SNTG2: variants seen among roughly 807,000 people sequenced by gnomAD.
SNTG2 encodes the protein gamma-2-syntrophin.
Under a neutral mutation model 70.9 loss-of-function variants are expected in SNTG2, and 74 were observed. The ratio of observed to expected loss-of-function variants is 1.04; its 90% CI spans 0.86 to 1.27. SNTG2 has a LOEUF of 1.27. Among genes scored for constraint, SNTG2 ranks in the 50% most tolerant of loss-of-function variants. The pLI, the probability that SNTG2 is intolerant of heterozygous loss-of-function variation, is 0.00. For synonymous variants in SNTG2, 278 were observed against 273.8 expected (o/e 1.02, Z -0.15); for missense variants, 717 against 690.7 (o/e 1.04, Z -0.43).
chr2:1,155,178 C>CA (rs72116428), intron 6 of SNTG2, among the ~76,000 whole-genome samples: 17,829 of 150,142 alleles, frequency 0.12, 1,605 homozygotes, highest in East Asian at 0.41. Context: ...GACCCCCCCC[C>CA]CACACACATA....
At chr2:1,222,051 C>CTCTCTGTCTCTGCCTA (rs1675126871) in intron 9 of SNTG2, among the ~76,000 whole-genome samples, 1 of 15,818 alleles carries the variant, frequency 6.3e-5, no homozygotes, top group Admixed American at 7.1e-4. Flanking sequence ...CTCTCTGTCT[C>CTCTCTGTCTCTGCCTA]TCTCTGTCTC....
chr2:1,244,740 A>G (rs1677307286), intron 11 of SNTG2, among the ~76,000 whole-genome samples: 2 of 151,620 alleles, frequency 1.3e-5, no homozygotes, highest in Admixed American at 6.6e-5. Context: ...TTTAGAACTC[A>G]GGCAATTTCC....
At chr2:1,079,674 T>C (rs1664154070) in intron 1 of SNTG2, among the ~76,000 whole-genome samples, 1 of 152,170 alleles carries the variant, frequency 6.6e-6, no homozygotes, top group African/African-American at 2.4e-5. Context: ...TCATGGAAAC[T>C]GTTCTCTGTG....
At chr2:1,256,221 C>T (rs1316426125) in intron 12 of SNTG2, among the ~76,000 whole-genome samples, 2 of 151,966 alleles carry the variant, frequency 1.3e-5, no homozygotes, top group Admixed American at 6.6e-5. Flanking sequence ...TCTGTATATG[C>T]TCCATTAGAA....
intron 4 of SNTG2, among the ~76,000 whole-genome samples, chr2:1,112,176 C>T (rs1376737322): frequency 2.6e-5 from 4 of 151,504 alleles, no homozygotes; most frequent in Non-Finnish European, 5.9e-5. Context: ...ATCGTGTGTA[C>T]TAAGGGAGGT....
At chr2:1,134,724 G>A (rs1442229158) in intron 4 of SNTG2, among the ~76,000 whole-genome samples, 2 of 152,192 alleles carry the variant, frequency 1.3e-5, no homozygotes, top group Non-Finnish European at 2.9e-5. Flanking sequence ...CCCTGCGCCC[G>A]CACTCCTCAG....
At chr2:1,135,397 G>T (rs564726089) in intron 4 of SNTG2, among the ~76,000 whole-genome samples, 1 of 152,196 alleles carries the variant, frequency 6.6e-6, no homozygotes, top group Admixed American at 6.5e-5. Context: ...GTCATTTACT[G>T]TGTGATTACC....
At chr2:1,303,830 A>G (rs749649426) in intron 14 of SNTG2, among the ~76,000 whole-genome samples, 3 of 152,230 alleles carry the variant, frequency 2.0e-5, no homozygotes, top group Non-Finnish European at 4.4e-5. Context: ...AATACAATGA[A>G]TAACTCTACA....
chr2:1,205,227 C>T (rs1341784596), intron 8 of SNTG2, among the ~76,000 whole-genome samples: 2 of 152,170 alleles, frequency 1.3e-5, no homozygotes, highest in African/African-American at 2.4e-5. Context: ...TTATATTAAA[C>T]TGGGAACCTT....
intron 10 of SNTG2, 93 bp from the exon 11 acceptor site, chr2:1,239,645 A>T: frequency 7.4e-7 from 1 of 1,349,454 alleles, no homozygotes; most frequent in Non-Finnish European, 1.0e-6. Flanking sequence ...GTTTCCCAGG[A>T]CAGAGCGTGG....
intron 16 of SNTG2, among the ~76,000 whole-genome samples, chr2:1,347,587 T>A (rs543484721): frequency 6.6e-6 from 1 of 152,370 alleles, no homozygotes; most frequent in Admixed American, 6.5e-5. Context: ...GGCCCCTGTC[T>A]GGCTCCCATC....
At chr2:1,040,990 G>C (rs1411373897) in intron 1 of SNTG2, among the ~76,000 whole-genome samples, 3 of 152,198 alleles carry the variant, frequency 2.0e-5, no homozygotes, top group Non-Finnish European at 4.4e-5. Flanking sequence ...TTTTGGTGGA[G>C]GCTAATGTTA....
intron 1 of SNTG2, among the ~76,000 whole-genome samples, chr2:1,078,671 C>T (rs981875180): frequency 3.3e-5 from 5 of 152,086 alleles, no homozygotes; most frequent in African/African-American, 9.7e-5. Flanking sequence ...TTACCTGAAC[C>T]GTATTTTAAC....
At chr2:1,273,512 G>A (rs550382466) in intron 14 of SNTG2, among the ~76,000 whole-genome samples, 1 of 152,162 alleles carries the variant, frequency 6.6e-6, no homozygotes, top group African/African-American at 2.4e-5. Context: ...AAGAGATTCT[G>A]TGTATGGCAG....
At chr2:1,149,227 C>CACACAT in intron 6 of SNTG2, among the ~76,000 whole-genome samples, 1 of 151,662 alleles carries the variant, frequency 6.6e-6, no homozygotes, top group Non-Finnish European at 1.5e-5. Context: ...GACACACACA[C>CACACAT]ACGGGGAGCA....
At chr2:1,132,158 TAG>T (rs1473042544) in intron 4 of SNTG2, among the ~76,000 whole-genome samples, 2 of 151,436 alleles carry the variant, frequency 1.3e-5, no homozygotes, top group Admixed American at 6.6e-5. Flanking sequence ...AAAATAAAAT[TAG>T]AGCTTATTTA....
intron 13 of SNTG2, among the ~76,000 whole-genome samples, chr2:1,265,420 A>G (rs1224010407): frequency 2.0e-5 from 3 of 152,200 alleles, no homozygotes; most frequent in African/African-American, 7.2e-5. Flanking sequence ...TCATGTGCAC[A>G]CATACACACA....
intron 1 of SNTG2, among the ~76,000 whole-genome samples, chr2:964,798 C>T (rs1026621089): frequency 2.0e-5 from 3 of 152,146 alleles, no homozygotes; most frequent in Non-Finnish European, 2.9e-5. Flanking sequence ...GCAGCCTTGC[C>T]GTCCACTGCG....
chr2:965,469 C>T (rs932007311), intron 1 of SNTG2, among the ~76,000 whole-genome samples: 1 of 151,564 alleles, frequency 6.6e-6, no homozygotes, highest in Admixed American at 6.6e-5. Flanking sequence ...GCCTCCTCCT[C>T]CTTGACTTGG....
Sources: gnomAD v4.1 joint callset for allele counts (sites outside exome capture counted in the v4.1 genomes callset) on GRCh38, gnomAD v4.1.1 for gene constraint, MANE v1.5 for transcripts, NCBI Gene and HGNC (gene_info 2026-07-23, HGNC 2026-07-21) for gene names.